The following MYL10 variants were observed in gnomAD, a reference collection of about 807,000 sequenced individuals.
The protein encoded by MYL10 is myosin light chain 10, also known as myosin regulatory light chain 10.
Under a neutral mutation model 21.9 loss-of-function variants are expected in MYL10, and 18 were observed. The observed-to-expected ratio is 0.82, with a 90% CI of 0.57 to 1.22. The LOEUF (loss-of-function observed/expected upper bound fraction) is 1.22. Ranked by LOEUF, MYL10 falls within the 50% of genes most tolerant of loss-of-function variation. MYL10 has a pLI of 0.00. For missense variants in MYL10, 225 were observed against 230.4 expected (o/e 0.98, Z 0.15); for synonymous variants, 88 against 82.8 (o/e 1.06, Z -0.34).
In MYL10 at chr7:101,621,028, A is replaced by T. The variant is rs182551297; in HGVS notation, c.454+1068T>A. Among the ~76,000 whole-genome samples, 674 of 152,050 alleles carry T rather than the reference A, an allele frequency of 4.4e-3. 4 individuals are homozygous for T. The highest frequency in any genetic ancestry group is 0.015 in the African/African-American group (611 of 41,496). Reference sequence around the variant, plus strand: ...GGTCTTGACCTCCTGACCTCAGGTGATCCACCCACCTCCGCCTCCCAGAGT... The same window carrying T: ...GGTCTTGACCTCCTGACCTCAGGTGTTCCACCCACCTCCGCCTCCCAGAGT... On this transcript the variant is annotated intron_variant, in intron 5 of 7. Coordinates refer to ENST00000223167, the MANE Select transcript of MYL10 (RefSeq NM_138403.5).
rs1562825846 is a variant in MYL10, at chr7:101,622,983, G to A, written c.349+14C>T. 4 of 1,612,940 alleles carry A rather than the reference G, an allele frequency of 2.5e-6. No individual in the cohort carries two copies. The East Asian group carries it at 8.9e-5, about 36-fold the overall frequency. The stretch of plus-strand genomic sequence containing the variant: ...GGCCTGGCCCTAATCTCCCCCGGCT[G>A]CTGGCTCACCCACCCAGCGCGGCAA... On this transcript the variant is annotated intron_variant, in intron 4 of 7. Transcript: ENST00000223167.
At chr7:101,628,012 A>T (rs1365757689) in intron 1 of MYL10, among the ~76,000 whole-genome samples, 27 of 152,206 alleles carry the variant, frequency 1.8e-4, no homozygotes, top group Non-Finnish European at 1.3e-4. Flanking sequence ...CGGTCTGCTT[A>T]TGGAGAGAGT....
intron 5 of MYL10, among the ~76,000 whole-genome samples, chr7:101,621,204 C>T (rs978752301): frequency 2.6e-5 from 4 of 152,120 alleles, no homozygotes; most frequent in East Asian, 1.9e-4. Context: ...CACCCCATGC[C>T]TAATGCTGTG....
rs1399672605 is a variant in MYL10 at position 101,623,064 on chromosome 7, G to A, written c.282C>T (p.Thr94=). ...AGCCATCACGGTTCTGGTCCATGAT[G>A]GTGAAAGCCTGGCAGAGACACAGGT... ...NSPASASQAF[T]IMDQNRDGFI... is the part of the protein sequence containing the mutation. Residue 94 remains threonine, a synonymous_variant, in exon 4 of 8, where the codon ACC becomes ACT. Coordinates refer to ENST00000223167, the MANE Select transcript of MYL10 (RefSeq NM_138403.5). 1.9e-6 allele frequency: 3 copies of A among 1,613,834 alleles called. No individual in the cohort carries two copies. Among genetic ancestry groups the A allele is most frequent in the Admixed American group, 3.3e-5 (2 of 60,022 alleles).
chr7:101,613,961 A>G (rs1171995940), intron 6 of MYL10, among the ~76,000 whole-genome samples: 1 of 152,102 alleles, frequency 6.6e-6, no homozygotes, highest in Non-Finnish European at 1.5e-5. Flanking sequence ...GGACCCCACC[A>G]TGAGGGCTAC....
intron 1 of MYL10, among the ~76,000 whole-genome samples, chr7:101,627,817 C>A (rs542000090): frequency 6.6e-6 from 1 of 152,236 alleles, no homozygotes; most frequent in Non-Finnish European, 1.5e-5. Context: ...GCTGCCTACC[C>A]CAATGGGAAG....
chr7:101,617,018 A>G (rs1049684109), intron 5 of MYL10, among the ~76,000 whole-genome samples: 1 of 152,248 alleles, frequency 6.6e-6, no homozygotes, highest in Non-Finnish European at 1.5e-5. Flanking sequence ...CATTGCACCA[A>G]TGGGAAACTG....
intron 4 of MYL10, among the ~76,000 whole-genome samples, chr7:101,622,560 G>A (rs758123846): frequency 6.6e-6 from 1 of 152,136 alleles, no homozygotes; most frequent in Non-Finnish European, 1.5e-5. Flanking sequence ...GGGACACTCA[G>A]ATTCCCAGGG....
At chr7:101,628,278 A>AC (rs35210278) in intron 1 of MYL10, among the ~76,000 whole-genome samples, 47,983 of 151,934 alleles carry the variant, frequency 0.32, 8,032 homozygotes, top group Middle Eastern at 0.39. Context: ...ACATAGTGAG[A>AC]CCCCTATCTC....
chr7:101,613,854 C>T (rs536603567), intron 6 of MYL10, 144 bp from the exon 7 acceptor site: 21 of 753,024 alleles, frequency 2.8e-5, no homozygotes, highest in Non-Finnish European at 4.3e-5. Flanking sequence ...CCCTGCCAGC[C>T]CCCCCGATGG....
rs375406824 is a variant in MYL10, at chr7:101,623,001, C to T, written c.345G>A (p.Ala115=). The change falls in exon 4 of 8, where the codon GCG becomes GCA. Residue 115 remains alanine (A), a synonymous_variant. Transcript: ENST00000223167. ...CCCGGCTGCTGGCTCACCCACCCAG[C>T]GCGGCAAAGGTGTCCCTCAAGTCCT... The part of the protein sequence containing the change: ...DKEDLRDTFA[A]LGRINVKNEE... The T allele has an allele frequency of 2.2e-5, 36 of 1,613,698 alleles. No homozygotes were observed. Among genetic ancestry groups the T allele is most frequent in the African/African-American group, 2.7e-5 (2 of 74,932 alleles).
At chr7:101,621,452 C>T (rs563217498) in intron 5 of MYL10, among the ~76,000 whole-genome samples, 16 of 152,238 alleles carry the variant, frequency 1.1e-4, no homozygotes, top group East Asian at 9.7e-4. Flanking sequence ...ACCCTCCCTC[C>T]GGCACCCTCT....
intron 5 of MYL10, among the ~76,000 whole-genome samples, chr7:101,621,832 C>T (rs556451678): frequency 1.1e-4 from 16 of 152,122 alleles, no homozygotes; most frequent in Admixed American, 2.6e-4. Context: ...GCAAACCGCC[C>T]GCCTCAGTCT....
In MYL10 at chr7:101,629,248, C is replaced by A. The variant is rs1400990977; in HGVS notation, c.-130G>T. ...GGGGGTGTGGCTCGCTTCTTCCATG[C>A]CCAGCTGCTCAAACCTCTAGGCGGA... On this transcript the variant is annotated 5_prime_UTR_variant, in exon 1 of 8. Coordinates refer to ENST00000223167, the MANE Select transcript of MYL10 (RefSeq NM_138403.5). The A allele has an allele frequency of 6.8e-6, 2 of 292,388 alleles. No homozygotes were observed. Among genetic ancestry groups the A allele is most frequent in the African/African-American group, 4.6e-5 (2 of 43,450 alleles). The allele number at this position is 292,388 out of a possible 1,614,324, so 18.1% of individuals were successfully genotyped here. A position where few individuals can be genotyped will look rare whatever the true frequency, so the allele number is the denominator to read the frequency against.
In MYL10 at chr7:101,623,694, C is replaced by CAA. The variant is rs11337754; in HGVS notation, c.273+224_273+225dup. On this transcript the variant is annotated intron_variant, in intron 3 of 7. Coordinates refer to ENST00000223167, the MANE Select transcript of MYL10 (RefSeq NM_138403.5). ...TGGGTAACAGAGCAAGACCCTGTCT[C>CAA]AAAAAAAAAAAAAAAAAAAAAAACC... Among the ~76,000 whole-genome samples, 106 of 66,292 alleles carry CAA rather than the reference C, an allele frequency of 1.6e-3. 2 individuals carry two copies. In the South Asian group the frequency reaches 0.017, roughly 11 times the overall value. The allele number at this position is 66,292 out of a possible 152,430, so 43.5% of individuals were successfully genotyped here.
intron 5 of MYL10, among the ~76,000 whole-genome samples, chr7:101,619,811 A>G: frequency 6.9e-6 from 1 of 145,064 alleles, no homozygotes; most frequent in East Asian, 2.0e-4. Flanking sequence ...AATGGCGTGA[A>G]CCCGGGAGGC....
At chr7:101,625,486 T>C (rs10269590) in intron 1 of MYL10, among the ~76,000 whole-genome samples, 148,333 of 151,778 alleles carry the variant, frequency 0.98, 72,502 homozygotes, top group East Asian at 1. Flanking sequence ...CTTGTCTACC[T>C]GCCCCCACCA....
At chr7:101,623,746 C>T (rs115303871) in intron 3 of MYL10, among the ~76,000 whole-genome samples, 174 bp downstream of exon 3, 5 of 148,116 alleles carry the variant, frequency 3.4e-5, no homozygotes, top group Admixed American at 6.8e-5. Flanking sequence ...TAGTAATGGG[C>T]GCTGGGCACT....
chr7:101,621,967 G>T, intron 5 of MYL10, 129 bp downstream of exon 5: 1 of 669,696 alleles, frequency 1.5e-6, no homozygotes, highest in East Asian at 2.9e-5. Context: ...GCGTGCACCT[G>T]GGGGCTGGTG....
Sources: gnomAD v4.1 joint callset for allele counts (sites outside exome capture counted in the v4.1 genomes callset) on GRCh38, gnomAD v4.1.1 for gene constraint, MANE v1.5 for transcripts, NCBI Gene and HGNC (gene_info 2026-07-23, HGNC 2026-07-21) for gene names.